MON1B: variants seen among roughly 807,000 people sequenced by gnomAD.
MON1B encodes the protein MON1 vesicular trafficking associated B.
In MON1B, 26 loss-of-function variants were observed where a neutral mutation model predicts 45.1. The ratio of observed to expected loss-of-function variants is 0.58; its 90% CI spans 0.42 to 0.80. The LOEUF (loss-of-function observed/expected upper bound fraction) is 0.80. Among genes scored for constraint, MON1B ranks in the 30% least tolerant of loss-of-function variants. The pLI, the probability that MON1B is intolerant of heterozygous loss-of-function variation, is 0.00. For missense variants in MON1B, 737 were observed against 754.5 expected, an observed-to-expected ratio of 0.98 and a Z score of 0.27; for synonymous variants, 395 against 320.2, an observed-to-expected ratio of 1.23 and a Z score of -2.49.
chr16:77,191,308 G>A, intron 1 of MON1B, 50 bp downstream of exon 1: 1 of 1,528,748 alleles, frequency 6.5e-7, no homozygotes, highest in Admixed American at 2.1e-5. Flanking sequence ...TCCTCTTTTC[G>A]GAAAGTGTTG....
At position 77,194,308 on chromosome 16, in the gene MON1B, C is replaced by A. The variant is rs751928344; in HGVS notation, c.476-27C>A. ...TGGTCATTCCTGATCCAGCTGTACC[C>A]CCCCTTCTTACCCCTTCCTTCCCTA... On this transcript the variant is annotated intron_variant, in intron 3 of 5. Transcript: ENST00000248248. This position sits in a 1 kb window ranked among gnomAD's most constrained non-coding sequence, Gnocchi z 8.1. The A allele has an allele frequency of 3.8e-6, 6 of 1,582,490 alleles. No individual in the cohort carries two copies. Among genetic ancestry groups the A allele is most frequent in the South Asian group, 3.3e-5 (3 of 90,646 alleles).
At position 77,199,768 on chromosome 16, in the gene MON1B, C is replaced by T. The variant is rs1306104506; in HGVS notation, c.*1460C>T. The T allele has an allele frequency of 1.8e-5, 7 of 390,726 alleles. No homozygotes were observed. Among genetic ancestry groups the T allele is most frequent in the Non-Finnish European group, 3.2e-5 (7 of 218,896 alleles). 24.2% of individuals were successfully genotyped at this position (390,726 alleles called of 1,614,324 possible). A position where few individuals can be genotyped will look rare whatever the true frequency, so the allele number is the denominator to read the frequency against. ...TGTTGAAAGTAAACAACATGTAGTT[C>T]AGTACGAAAGTCTTCAAACAAAAGT... On this transcript the variant is annotated 3_prime_UTR_variant, in exon 6 of 6. Coordinates refer to ENST00000248248, the MANE Select transcript of MON1B (RefSeq NM_014940.4).
chr16:77,200,274 G>GTATATATATATATATATATATATATATA lies in MON1B; in HGVS notation c.*1984_*1985insTATATATATATATATATATATATATATA, dbSNP rs1229854135. ...TATATGTGTATATATATATATATGT[G>GTATATATATATATATATATATATATATA]TATATATATATATATATACACACAC... On this transcript the variant is annotated 3_prime_UTR_variant, in exon 6 of 6. Coordinates refer to ENST00000248248, the MANE Select transcript of MON1B (RefSeq NM_014940.4). The GTATATATATATATATATATATATATATA allele has an allele frequency of 8.8e-6, 1 of 113,580 alleles. No individual in the cohort carries two copies. 7.0% of individuals were successfully genotyped at this position (113,580 alleles called of 1,614,324 possible). A position where few individuals can be genotyped will look rare whatever the true frequency, so the allele number is the denominator to read the frequency against.
chr16:77,199,624 ATGTT>A lies in MON1B; in HGVS notation c.*1317_*1320del. Reference sequence around the variant, plus strand: ...TGATATTCTAATTTTTTTAAATAAAATGTTAAGCCTTTTGTTATTGAAGAAAAAC... The same window carrying A: ...TGATATTCTAATTTTTTTAAATAAAAAAGCCTTTTGTTATTGAAGAAAAAC... On this transcript the variant is annotated 3_prime_UTR_variant, in exon 6 of 6. Coordinates refer to ENST00000248248, the MANE Select transcript of MON1B (RefSeq NM_014940.4). The A allele has an allele frequency of 1.1e-6, 1 of 939,776 alleles. No individual in the cohort carries two copies. Among genetic ancestry groups the A allele is most frequent in the Non-Finnish European group, 1.6e-6 (1 of 629,826 alleles). The allele number at this position is 939,776 out of a possible 1,614,324, so 58.2% of individuals were successfully genotyped here.
At position 77,194,623 on chromosome 16, in the gene MON1B, G is replaced by A. The variant is rs749567493; in HGVS notation, c.764G>A (p.Arg255His). The change falls in exon 4 of 6, where the codon CGC becomes CAC. Residue 255 changes from arginine to histidine, a missense_variant. Arg to His is a conservative substitution (Grantham distance 29). Coordinates refer to ENST00000248248, the MANE Select transcript of MON1B (RefSeq NM_014940.4). The surrounding 1 kb of genome is among the most constrained non-coding windows in gnomAD (Gnocchi z 8.1). ...GCCGTGCGCTGTGTGCCCCTTGCCC[G>A]CCCGCTGCGAGACGCACTAGGTGCG... ...LGAVRCVPLA[R>H]PLRDALGALL... is the part of the protein sequence containing the mutation. 8.7e-6 allele frequency: 14 copies of A among 1,613,542 alleles called. No homozygotes were observed. The highest frequency in any genetic ancestry group is 6.7e-5 in the African/African-American group (5 of 74,926).
At chr16:77,196,970 G>T (rs938949251) in intron 5 of MON1B, among the ~76,000 whole-genome samples, 2 of 152,220 alleles carry the variant, frequency 1.3e-5, no homozygotes, top group South Asian at 4.1e-4. Context: ...TCTCTGACAC[G>T]TCCCCTTCAC....
chr16:77,199,256 A>G lies in MON1B; in HGVS notation c.*948A>G, dbSNP rs1597379261. On this transcript the variant is annotated 3_prime_UTR_variant, in exon 6 of 6. Transcript: ENST00000248248. ...GTTCTGCCCTTGTTTGTGGAGTTAC[A>G]GCCTCAAGGTTGTAGCATGTGTGCT... 3.4e-6 allele frequency: 2 copies of G among 579,978 alleles called. No individual in the cohort carries two copies. Among genetic ancestry groups the G allele is most frequent in the East Asian group, 2.9e-5 (1 of 33,940 alleles). The allele number at this position is 579,978 out of a possible 1,614,324, so 35.9% of individuals were successfully genotyped here.
Position 77,193,537 on chromosome 16 carries a change from G to A in MON1B, c.235G>A (p.Ala79Thr), listed in dbSNP as rs1287265836. 18 of 1,613,620 alleles carry A rather than the reference G, an allele frequency of 1.1e-5. No individual in the cohort carries two copies. Among genetic ancestry groups the A allele is most frequent in the African/African-American group, 2.7e-5 (2 of 74,916 alleles). ...LSSTSRLWSP[A>T]APENSPTCSP... ...AAGCACCTCTCGGCTCTGGAGTCCT[G>A]CAGCCCCTGAGAATAGTCCCACATG... Residue 79 changes from alanine (A) to threonine (T), a missense_variant, in exon 3 of 6, where the codon GCA becomes ACA. Physicochemically the swap from Ala to Thr is moderately conservative, Grantham distance 58. Transcript: ENST00000248248. The surrounding 1 kb of genome is among the most constrained non-coding windows in gnomAD (Gnocchi z 5.0).
intron 5 of MON1B, among the ~76,000 whole-genome samples, chr16:77,195,963 A>G (rs970214774): frequency 2.6e-5 from 4 of 152,036 alleles, no homozygotes; most frequent in African/African-American, 9.7e-5. Flanking sequence ...CCCATTAACT[A>G]CCACTGCTGT....
Position 77,199,339 on chromosome 16 carries a change from G to A in MON1B, c.*1031G>A, listed in dbSNP as rs1173383080. 5 of 1,039,026 alleles carry A rather than the reference G, an allele frequency of 4.8e-6. No homozygotes were observed. The African/African-American group carries it at 4.8e-5, about 10-fold the overall frequency. The allele number at this position is 1,039,026 out of a possible 1,614,324, so 64.4% of individuals were successfully genotyped here. A position where few individuals can be genotyped will look rare whatever the true frequency, so the allele number is the denominator to read the frequency against. On this transcript the variant is annotated 3_prime_UTR_variant, in exon 6 of 6. Coordinates refer to ENST00000248248, the MANE Select transcript of MON1B (RefSeq NM_014940.4). Reference sequence around the variant, plus strand: ...CCCAGAGCTGACTCCTGATTTAACCGCTGGCGTAACCGCGGGTTGCACGCA... The same window carrying A: ...CCCAGAGCTGACTCCTGATTTAACCACTGGCGTAACCGCGGGTTGCACGCA...
chr16:77,198,321 C>G lies in MON1B; in HGVS notation c.*13C>G. On this transcript the variant is annotated 3_prime_UTR_variant, in exon 6 of 6. Coordinates refer to ENST00000248248, the MANE Select transcript of MON1B (RefSeq NM_014940.4). ...CACTGGACTCTGATAGTTGGAGCTC[C>G]CAGACCAGGCAGTGCTGGGAGCAAC... 6.2e-7 allele frequency: 1 copy of G among 1,612,016 alleles called. No homozygotes were observed. Among genetic ancestry groups the G allele is most frequent in the Non-Finnish European group, 8.5e-7 (1 of 1,178,106 alleles).
In MON1B at chr16:77,200,748, A is replaced by G. The variant is rs1305811278; in HGVS notation, c.*2440A>G. 3.6e-4 allele frequency: 1 copy of G among 2,796 alleles called. No homozygotes were observed. Among genetic ancestry groups the G allele is most frequent in the African/African-American group, 7.4e-4 (1 of 1,352 alleles). The allele number at this position is 2,796 out of a possible 1,614,324, so 0.2% of individuals were successfully genotyped here. A position where few individuals can be genotyped will look rare whatever the true frequency, so the allele number is the denominator to read the frequency against. On this transcript the variant is annotated 3_prime_UTR_variant, in exon 6 of 6. Coordinates refer to ENST00000248248, the MANE Select transcript of MON1B (RefSeq NM_014940.4). ...TCCAGCGCGGAAGACAGAGTGAGCAAAAAAAAAAAAAAAAAAAGAAAAAAC... is the reference window on the plus strand; with the variant it reads ...TCCAGCGCGGAAGACAGAGTGAGCAGAAAAAAAAAAAAAAAAAGAAAAAAC...
Position 77,200,106 on chromosome 16 carries a change from C to G in MON1B, c.*1798C>G, listed in dbSNP as rs959289518. ...CAGCACTTTGGGAGGCCGAGGCGGG[C>G]GGATCACGAGGTTAGGAGTTCGAGG... On this transcript the variant is annotated 3_prime_UTR_variant, in exon 6 of 6. Transcript: ENST00000248248. The G allele has an allele frequency of 1.3e-5, 2 of 148,366 alleles. No homozygotes were observed. The highest frequency in any genetic ancestry group is 3.0e-5 in the Non-Finnish European group (2 of 66,892). 9.2% of individuals were successfully genotyped at this position (148,366 alleles called of 1,614,324 possible). A position where few individuals can be genotyped will look rare whatever the true frequency, so the allele number is the denominator to read the frequency against.
In MON1B at chr16:77,198,435, A is replaced by AG; in HGVS notation, c.*129dup. On this transcript the variant is annotated 3_prime_UTR_variant, in exon 6 of 6. Transcript: ENST00000248248. ...CATTGTCTCCCTAAGCAATGGGGCAAGGTCTGAGGGCCCACCGATGAGAGA... is the reference window on the plus strand; with the variant it reads ...CATTGTCTCCCTAAGCAATGGGGCAAGGGTCTGAGGGCCCACCGATGAGAGA... The AG allele has an allele frequency of 1.9e-6, 2 of 1,062,938 alleles. No homozygotes were observed. The highest frequency in any genetic ancestry group is 2.8e-6 in the Non-Finnish European group (2 of 725,800). The allele number at this position is 1,062,938 out of a possible 1,614,324, so 65.8% of individuals were successfully genotyped here.
intron 2 of MON1B, among the ~76,000 whole-genome samples, chr16:77,192,368 G>A (rs1300598054): frequency 6.6e-6 from 1 of 152,206 alleles, no homozygotes; most frequent in African/African-American, 2.4e-5. Flanking sequence ...GTCAGTGACA[G>A]AATATGCAAT....
rs1446728948 is a variant in MON1B, at chr16:77,193,158, G to T, written c.149-293G>T. Among the ~76,000 whole-genome samples the T allele has an allele frequency of 6.6e-6, 1 of 152,086 alleles. No individual in the cohort carries two copies. The highest frequency in any genetic ancestry group is 2.4e-5 in the African/African-American group (1 of 41,380). On this transcript the variant is annotated intron_variant, in intron 2 of 5. Coordinates refer to ENST00000248248, the MANE Select transcript of MON1B (RefSeq NM_014940.4). This position sits in a 1 kb window ranked among gnomAD's most constrained non-coding sequence, Gnocchi z 5.0. ...GCTTTGAAGACTTTGGAATAACAGT[G>T]ATTGAAAGGGAAGTAATTGGTCTGT...
At chr16:77,195,243 T>G (rs1034739031) in intron 4 of MON1B, 89 bp downstream of exon 4, 3 of 1,269,974 alleles carry the variant, frequency 2.4e-6, no homozygotes, top group Non-Finnish European at 3.2e-6. Flanking sequence ...TCAGGAGAGA[T>G]AACCAGCCAT....
chr16:77,195,883 A>G (rs2054660910), intron 5 of MON1B, among the ~76,000 whole-genome samples: 1 of 152,158 alleles, frequency 6.6e-6, no homozygotes, highest in Non-Finnish European at 1.5e-5. Context: ...CTAATCCGAC[A>G]TTAGCCTCAC....
intron 2 of MON1B, among the ~76,000 whole-genome samples, chr16:77,192,054 G>A (rs772331925): frequency 5.3e-5 from 8 of 152,258 alleles, no homozygotes; most frequent in Non-Finnish European, 1.0e-4. Flanking sequence ...AGTGGAGTTC[G>A]ATGGGCACTC....
Sources: gnomAD v4.1 joint callset for allele counts (sites outside exome capture counted in the v4.1 genomes callset) on GRCh38, gnomAD v4.1.1 for gene constraint, Gnocchi (gnomAD v3.1) non-coding constraint, MANE v1.5 for transcripts, NCBI Gene and HGNC (gene_info 2026-07-23, HGNC 2026-07-21) for gene names.